ALPI: variants seen among roughly 807,000 people sequenced by gnomAD.
ALPI encodes the protein intestinal-type alkaline phosphatase.
In ALPI, 50 loss-of-function variants were observed where a neutral mutation model predicts 51.5. The ratio of observed to expected loss-of-function variants is 0.97; its 90% confidence interval spans 0.77 to 1.23. ALPI has a LOEUF of 1.23. Ranked by LOEUF, ALPI falls within the 50% of genes most tolerant of loss-of-function variation. ALPI has a pLI of 0.00. For missense variants in ALPI, 692 were observed against 722.4 expected, an observed-to-expected ratio of 0.96 and a Z score of 0.48; for synonymous variants, 322 against 308.2, an observed-to-expected ratio of 1.04 and a Z score of -0.47.
In ALPI at chr2:232,457,803, G is replaced by A. The variant is rs368571641; in HGVS notation, c.792G>A (p.Trp264Ter). 1 of 1,613,926 alleles carries A rather than the reference G, an allele frequency of 6.2e-7. No homozygotes were observed. The highest frequency in any genetic ancestry group is 8.5e-7 in the Non-Finnish European group (1 of 1,179,980). Residue 264 changes from tryptophan to a stop codon, truncating the protein, a stop_gained, in exon 7 of 11, where the codon TGG becomes TGA. Transcript: ENST00000295463. LOFTEE classifies it high-confidence loss of function. The surrounding 1 kb of genome is among the most constrained non-coding windows in gnomAD (Gnocchi z 4.7). ...TGGCTCTGTCCCTGCAGGGTGCCTGGTATGTGTGGAACCGCACTGAGCTCA... is the reference window on the plus strand; with the variant it reads ...TGGCTCTGTCCCTGCAGGGTGCCTGATATGTGTGGAACCGCACTGAGCTCA... Reference protein sequence around the residue: ...QEWLAKHQGAWYVWNRTELMQ... With the variant: ...QEWLAKHQGA
rs1437292171 is a variant in ALPI at position 232,459,169 on chromosome 2, T to C, written c.*23T>C. ...TGAGTGCCCCACTCCGGAGTTATCC[T>C]GCTCCCCACCTCCGGGCGTCCTGCC... is the stretch of plus-strand genomic sequence containing the variant. On this transcript the variant is annotated 3_prime_UTR_variant, in exon 11 of 11. Transcript: ENST00000295463. 3.9e-6 allele frequency: 6 copies of C among 1,521,790 alleles called. 1 individual carries two copies. The highest frequency in any genetic ancestry group is 3.7e-5 in the South Asian group (3 of 81,386). 94.3% of individuals were successfully genotyped at this position (1,521,790 alleles called of 1,614,324 possible).
In ALPI at chr2:232,457,964, C is replaced by A; in HGVS notation, c.857-34C>A. ...TTTGCCAGCACCCTCCCGCTCACAG[C>A]CTGCCAATCACCACCAAGCTCCTTG... On this transcript the variant is annotated intron_variant, in intron 7 of 10. Coordinates refer to ENST00000295463, the MANE Select transcript of ALPI (RefSeq NM_001631.5). This position sits in a 1 kb window ranked among gnomAD's most constrained non-coding sequence, Gnocchi z 4.7. The A allele has an allele frequency of 1.2e-6, 2 of 1,612,728 alleles. No homozygotes were observed. Among genetic ancestry groups the A allele is most frequent in the Non-Finnish European group, 1.7e-6 (2 of 1,179,170 alleles).
rs1322128254 is a variant in ALPI at position 232,458,198 on chromosome 2, C to T, written c.992-19C>T. On this transcript the variant is annotated intron_variant, in intron 8 of 10. Coordinates refer to ENST00000295463, the MANE Select transcript of ALPI (RefSeq NM_001631.5). ...GGCAGGGCAGGTTCAAGCATCACCC[C>T]CCTCTGGCCTTCCTGCAGGCGGCCG... 1 of 1,613,830 alleles carries T rather than the reference C, an allele frequency of 6.2e-7. No homozygotes were observed. Among genetic ancestry groups the T allele is most frequent in the Non-Finnish European group, 8.5e-7 (1 of 1,179,848 alleles).
Position 232,456,662 on chromosome 2 carries a change from C to A in ALPI, c.267C>A (p.Ala89=). The part of the protein sequence containing the change: ...NGKLGPETPL[A]MDRFPYLALS... ...AACTGGGGCCTGAGACGCCCCTGGCCATGGACCGCTTCCCATACCTGGCTC... is the reference window on the plus strand; with the variant it reads ...AACTGGGGCCTGAGACGCCCCTGGCAATGGACCGCTTCCCATACCTGGCTC... The change falls in exon 3 of 11, where the codon GCC becomes GCA. Residue 89 remains alanine, a synonymous_variant. Coordinates refer to ENST00000295463, the MANE Select transcript of ALPI (RefSeq NM_001631.5). The surrounding 1 kb of genome is among the most constrained non-coding windows in gnomAD (Gnocchi z 4.2). 6.2e-7 allele frequency: 1 copy of A among 1,610,722 alleles called. No homozygotes were observed. The highest frequency in any genetic ancestry group is 8.5e-7 in the Non-Finnish European group (1 of 1,178,494).
rs1690294195 is a variant in ALPI at position 232,460,722 on chromosome 2, C to G, written c.*1576C>G. On this transcript the variant is annotated 3_prime_UTR_variant, in exon 11 of 11. Coordinates refer to ENST00000295463, the MANE Select transcript of ALPI (RefSeq NM_001631.5). The stretch of plus-strand genomic sequence containing the variant: ...AATATGCTTTCTTATTTACTAAAAC[C>G]TTGAAATAAAATTGTAAAACATCAG... 6.6e-6 allele frequency among the ~76,000 whole-genome samples: 1 copy of G among 152,074 alleles called. No homozygotes were observed.
rs866432794 is a variant in ALPI at position 232,457,708 on chromosome 2, G to A, written c.783+9G>A. ...GGCTGGCAAAGCACCAGGTGATGGG[G>A]GCTGGTGGGTGTGGGAGGCACGGCA... On this transcript the variant is annotated intron_variant, in intron 6 of 10. Transcript: ENST00000295463. The surrounding 1 kb of genome is among the most constrained non-coding windows in gnomAD (Gnocchi z 4.7). 1 of 1,611,468 alleles carries A rather than the reference G, an allele frequency of 6.2e-7. No individual in the cohort carries two copies. Among genetic ancestry groups the A allele is most frequent in the African/African-American group, 1.3e-5 (1 of 74,906 alleles).
rs201149811 is a variant in ALPI at position 232,456,680 on chromosome 2, C to A, written c.285C>A (p.Tyr95Ter). 3 of 1,605,628 alleles carry A rather than the reference C, an allele frequency of 1.9e-6. No homozygotes were observed. Among genetic ancestry groups the A allele is most frequent in the South Asian group, 2.2e-5 (2 of 89,730 alleles). Residue 95 changes from tyrosine to a stop codon, truncating the protein, a stop_gained, in exon 3 of 11, where the codon TAC (tyrosine) becomes TAA (stop). Coordinates refer to ENST00000295463, the MANE Select transcript of ALPI (RefSeq NM_001631.5). LOFTEE classifies it high-confidence loss of function. This position sits in a 1 kb window ranked among gnomAD's most constrained non-coding sequence, Gnocchi z 4.2. ...CCCTGGCCATGGACCGCTTCCCATA[C>A]CTGGCTCTGTCCAAGGTAAGGGCTG... ...ETPLAMDRFP[Y>*]LALSKTYNVD...
chr2:232,459,378 C>T lies in ALPI; in HGVS notation c.*232C>T. On this transcript the variant is annotated 3_prime_UTR_variant, in exon 11 of 11. Transcript: ENST00000295463. ...GCTGAGCCTGGGACTTCCAGGACCT[C>T]CCCTCAGGTTGTTCTCTGATTCTTC... is the stretch of plus-strand genomic sequence containing the variant. 2 of 565,864 alleles carry T rather than the reference C, an allele frequency of 3.5e-6. No homozygotes were observed. The highest frequency in any genetic ancestry group is 6.2e-6 in the Non-Finnish European group (2 of 321,492). The allele number at this position is 565,864 out of a possible 1,614,324, so 35.1% of individuals were successfully genotyped here. A position where few individuals can be genotyped will look rare whatever the true frequency, so the allele number is the denominator to read the frequency against.
At position 232,457,875 on chromosome 2, in the gene ALPI, C is replaced by T; in HGVS notation, c.856+8C>T. 4.3e-6 allele frequency: 7 copies of T among 1,613,774 alleles called. No individual in the cohort carries two copies. Among genetic ancestry groups the T allele is most frequent in the Non-Finnish European group, 5.9e-6 (7 of 1,179,824 alleles). On this transcript the variant is annotated splice_region_variant and intron_variant, in intron 7 of 10. Coordinates refer to ENST00000295463, the MANE Select transcript of ALPI (RefSeq NM_001631.5). This position sits in a 1 kb window ranked among gnomAD's most constrained non-coding sequence, Gnocchi z 4.7. ...CTGTGACCCATCTCATGGGTAATGA[C>T]CCCCTTCCTGCCCTGGCATTCCTCA...
In ALPI at chr2:232,457,469, C is replaced by G; in HGVS notation, c.649-96C>G. 6.5e-7 allele frequency: 1 copy of G among 1,543,652 alleles called. No individual in the cohort carries two copies. Among genetic ancestry groups the G allele is most frequent in the Non-Finnish European group, 8.7e-7 (1 of 1,146,510 alleles). ...ATGTGCAATACAGGCTGGGCCATTC[C>G]CACAGCCCTGGGGAGGGGAGCCAGG... On this transcript the variant is annotated intron_variant, in intron 5 of 10. Transcript: ENST00000295463. This position sits in a 1 kb window ranked among gnomAD's most constrained non-coding sequence, Gnocchi z 4.7.
Position 232,457,547 on chromosome 2 carries a change from C to T in ALPI, c.649-18C>T. The stretch of plus-strand genomic sequence containing the variant: ...CCAGCCAGGCCCCCAAACCACCTGC[C>T]CCATCCATTGTCCTCAGGTGATCCT... On this transcript the variant is annotated intron_variant, in intron 5 of 10. Transcript: ENST00000295463. This position sits in a 1 kb window ranked among gnomAD's most constrained non-coding sequence, Gnocchi z 4.7. The T allele has an allele frequency of 1.3e-6, 2 of 1,594,986 alleles. No individual in the cohort carries two copies. The highest frequency in any genetic ancestry group is 8.5e-7 in the Non-Finnish European group (1 of 1,170,338).
chr2:232,459,186 C>A lies in ALPI; in HGVS notation c.*40C>A, dbSNP rs1690267163. On this transcript the variant is annotated 3_prime_UTR_variant, in exon 11 of 11. Transcript: ENST00000295463. ...AGTTATCCTGCTCCCCACCTCCGGG[C>A]GTCCTGCCCTGTTCCCCGTCCTGAG... 1.3e-6 allele frequency: 2 copies of A among 1,507,890 alleles called. No individual in the cohort carries two copies. Among genetic ancestry groups the A allele is most frequent in the Admixed American group, 2.0e-5 (1 of 49,246 alleles). The allele number at this position is 1,507,890 out of a possible 1,614,324, so 93.4% of individuals were successfully genotyped here. A position where few individuals can be genotyped will look rare whatever the true frequency, so the allele number is the denominator to read the frequency against.
rs772948420 is a variant in ALPI at position 232,458,681 on chromosome 2, G to C, written c.1233G>C (p.Leu411=). 1 of 1,613,904 alleles carries C rather than the reference G, an allele frequency of 6.2e-7. No individual in the cohort carries two copies. Among genetic ancestry groups the C allele is most frequent in the Non-Finnish European group, 8.5e-7 (1 of 1,180,048 alleles). ...ACAGCAAAGCCTACACGTCCATCCT[G>C]TACGGCAATGGCCCGGGCTACGTGT... ...AQDSKAYTSI[L]YGNGPGYVFN... Residue 411 remains leucine (L), a synonymous_variant, in exon 10 of 11, where the codon CTG becomes CTC. Coordinates refer to ENST00000295463, the MANE Select transcript of ALPI (RefSeq NM_001631.5).
In ALPI at chr2:232,457,266, C is replaced by T. The variant is rs751904957; in HGVS notation, c.592C>T (p.Arg198Cys). The part of the protein sequence containing the change: ...YSDADMPASA[R>C]QEGCQDIATQ... ...AGATGCTGACATGCCTGCCTCAGCC[C>T]GCCAGGAGGGGTGCCAGGACATCGC... Residue 198 changes from arginine (R) to cysteine (C), a missense_variant, in exon 5 of 11, where the codon CGC (arginine) becomes TGC (cysteine). Physicochemically the swap from Arg to Cys is radical, Grantham distance 180. Transcript: ENST00000295463. This position sits in a 1 kb window ranked among gnomAD's most constrained non-coding sequence, Gnocchi z 4.7. 144 of 1,613,266 alleles carry T rather than the reference C, an allele frequency of 8.9e-5. No individual in the cohort carries two copies. Among genetic ancestry groups the T allele is most frequent in the Non-Finnish European group, 1.1e-4 (128 of 1,179,990 alleles).
chr2:232,458,449 T>C (rs1575069005), intron 9 of ALPI, 41 bp downstream of exon 9: 2 of 1,588,448 alleles, frequency 1.3e-6, no homozygotes, highest in East Asian at 2.3e-5. Flanking sequence ...GCATCAATTA[T>C]GAGGGTGAAG....
At position 232,460,467 on chromosome 2, in the gene ALPI, G is replaced by A. The variant is rs1690290550; in HGVS notation, c.*1321G>A. Among the ~76,000 whole-genome samples, 1 of 152,144 alleles carries A rather than the reference G, an allele frequency of 6.6e-6. No homozygotes were observed. The highest frequency in any genetic ancestry group is 2.4e-5 in the African/African-American group (1 of 41,406). ...GTGGCAGGCTCAGGTGAAAGCTGGG[G>A]AAGGAGCTGACTCCAGGTGTTTCTG... is the stretch of plus-strand genomic sequence containing the variant. On this transcript the variant is annotated 3_prime_UTR_variant, in exon 11 of 11. Coordinates refer to ENST00000295463, the MANE Select transcript of ALPI (RefSeq NM_001631.5).
chr2:232,459,512 C>G lies in ALPI; in HGVS notation c.*366C>G. On this transcript the variant is annotated 3_prime_UTR_variant, in exon 11 of 11. Coordinates refer to ENST00000295463, the MANE Select transcript of ALPI (RefSeq NM_001631.5). ...ACCCTGCCTCTATCCTAAGGAAGAC[C>G]AAGCAGGCCTGGACCCAGAGACGTC... 1 of 260,728 alleles carries G rather than the reference C, an allele frequency of 3.8e-6. No homozygotes were observed. Among genetic ancestry groups the G allele is most frequent in the African/African-American group, 2.3e-5 (1 of 44,322 alleles). 16.2% of individuals were successfully genotyped at this position (260,728 alleles called of 1,614,324 possible). A position where few individuals can be genotyped will look rare whatever the true frequency, so the allele number is the denominator to read the frequency against.
chr2:232,458,928 G>C lies in ALPI; in HGVS notation c.1369G>C (p.Ala457Pro). ...CGAGACCCACGGAGGCGAAGACGTGGCGGTGTTTGCGCGCGGCCCGCAGGC... is the reference window on the plus strand; with the variant it reads ...CGAGACCCACGGAGGCGAAGACGTGCCGGTGTTTGCGCGCGGCCCGCAGGC... ...SSETHGGEDV[A>P]VFARGPQAHL... The change falls in exon 11 of 11, where the codon GCG (alanine) becomes CCG (proline). Residue 457 changes from alanine to proline, a missense_variant. Transcript: ENST00000295463. 1.2e-6 allele frequency: 2 copies of C among 1,608,416 alleles called. No individual in the cohort carries two copies. Among genetic ancestry groups the C allele is most frequent in the Middle Eastern group, 1.7e-4 (1 of 6,054 alleles).
In ALPI at chr2:232,457,968, C is replaced by G. The variant is rs767454999; in HGVS notation, c.857-30C>G. The G allele has an allele frequency of 1.2e-6, 2 of 1,612,684 alleles. No homozygotes were observed. Among genetic ancestry groups the G allele is most frequent in the South Asian group, 1.1e-5 (1 of 90,930 alleles). ...CCAGCACCCTCCCGCTCACAGCCTG[C>G]CAATCACCACCAAGCTCCTTGTCCC... On this transcript the variant is annotated intron_variant, in intron 7 of 10. Transcript: ENST00000295463. This position sits in a 1 kb window ranked among gnomAD's most constrained non-coding sequence, Gnocchi z 4.7.
Sources: gnomAD v4.1 joint callset for allele counts (sites outside exome capture counted in the v4.1 genomes callset) on GRCh38, gnomAD v4.1.1 for gene constraint, Gnocchi (gnomAD v3.1) non-coding constraint, MANE v1.5 for transcripts, NCBI Gene and HGNC (gene_info 2026-07-23, HGNC 2026-07-21) for gene names.